Variants in LRRIQ3 observed in about 807,000 individuals in gnomAD.
LRRIQ3 encodes leucine rich repeats and IQ motif containing 3.
Under a neutral mutation model 59.3 loss-of-function variants are expected in LRRIQ3, and 75 were observed. The ratio of observed to expected loss-of-function variants is 1.26; its 90% CI spans 1.05 to 1.53. LRRIQ3 has a LOEUF of 1.53. Ranked by LOEUF, LRRIQ3 falls within the 40% of genes most tolerant of loss-of-function variation. The pLI is 0.00. For missense variants in LRRIQ3, 831 were observed against 710.0 expected (o/e 1.17, Z -1.94); for synonymous variants, 250 against 231.3 (o/e 1.08, Z -0.73).
rs778820647 is a variant in LRRIQ3 at position 74,026,791 on chromosome 1, T to C, written c.*22A>G. 2 of 1,571,726 alleles carry C rather than the reference T, an allele frequency of 1.3e-6. No homozygotes were observed. Among genetic ancestry groups the C allele is most frequent in the South Asian group, 2.4e-5 (2 of 84,604 alleles). ...TAATGACTATAATTTAAGATGATCA[T>C]AGGATGTGATCTGGCATTGATTCAT... On this transcript the variant is annotated 3_prime_UTR_variant, in exon 8 of 8. Transcript: ENST00000354431.
chr1:74,145,350 T>G (rs1421709572), intron 4 of LRRIQ3, among the ~76,000 whole-genome samples: 2 of 152,056 alleles, frequency 1.3e-5, no homozygotes, highest in Admixed American at 1.3e-4. Flanking sequence ...TCTGGTGGAG[T>G]TGGCTCTGCC....
chr1:74,071,666 C>T (rs868195405), intron 6 of LRRIQ3, among the ~76,000 whole-genome samples: 2 of 152,070 alleles, frequency 1.3e-5, no homozygotes, highest in African/African-American at 4.8e-5. Flanking sequence ...ATTTGATAAG[C>T]CAATCATGTT....
intron 7 of LRRIQ3, among the ~76,000 whole-genome samples, chr1:74,040,779 C>G (rs748596881): frequency 6.6e-6 from 1 of 152,220 alleles, no homozygotes; most frequent in African/African-American, 2.4e-5. Context: ...TTCTGGGACA[C>G]AGCTAAAGCA....
chr1:74,053,663 A>G (rs1344793725), intron 6 of LRRIQ3, among the ~76,000 whole-genome samples: 1 of 152,090 alleles, frequency 6.6e-6, no homozygotes, highest in Non-Finnish European at 1.5e-5. Flanking sequence ...CTCCAGCCTG[A>G]GCAACACAGC....
intron 1 of LRRIQ3, 123 bp from the exon 2 acceptor site, chr1:74,183,807 A>C: frequency 1.3e-6 from 1 of 765,596 alleles, no homozygotes; most frequent in South Asian, 2.8e-5. Context: ...AAATTTAAAA[A>C]AACTCATTCT....
chr1:74,056,912 G>A (rs754674474), intron 6 of LRRIQ3, among the ~76,000 whole-genome samples: 1 of 152,088 alleles, frequency 6.6e-6, no homozygotes, highest in East Asian at 1.9e-4. Context: ...ATGATAATGA[G>A]GAAGTTCTCT....
At chr1:74,191,056 ACCC>A (rs1650734245) in intron 1 of LRRIQ3, among the ~76,000 whole-genome samples, 1 of 152,144 alleles carries the variant, frequency 6.6e-6, no homozygotes, top group African/African-American at 2.4e-5. Context: ...TTTATAAATT[ACCC>A]AGTGTTGAGT....
At chr1:74,067,262 T>G (rs1252272634) in intron 6 of LRRIQ3, among the ~76,000 whole-genome samples, 1 of 152,070 alleles carries the variant, frequency 6.6e-6, no homozygotes, top group Non-Finnish European at 1.5e-5. Context: ...CTTATACACT[T>G]AAACATACAA....
At chr1:74,115,977 C>G (rs531083387) in intron 4 of LRRIQ3, among the ~76,000 whole-genome samples, 148 of 152,022 alleles carry the variant, frequency 9.7e-4, no homozygotes, top group African/African-American at 3.5e-3. Flanking sequence ...AAAATCAATA[C>G]AAAGAACTAA....
At chr1:74,188,700 T>C (rs985149764) in intron 1 of LRRIQ3, among the ~76,000 whole-genome samples, 21 of 152,132 alleles carry the variant, frequency 1.4e-4, no homozygotes, top group African/African-American at 4.6e-4. Flanking sequence ...AATTTTTCCA[T>C]AGGACCTGAA....
At chr1:74,140,990 C>T (rs964430483) in intron 4 of LRRIQ3, among the ~76,000 whole-genome samples, 1 of 151,778 alleles carries the variant, frequency 6.6e-6, no homozygotes, top group Non-Finnish European at 1.5e-5. Context: ...CTCACCCAAT[C>T]AGAATTAATT....
intron 3 of LRRIQ3, among the ~76,000 whole-genome samples, chr1:74,164,966 T>C (rs926951208): frequency 3.3e-5 from 5 of 151,568 alleles, no homozygotes; most frequent in Non-Finnish European, 5.9e-5. Context: ...CAAAATTCAT[T>C]TGGACATATT....
At chr1:74,080,892 AT>A (rs1646266911) in intron 5 of LRRIQ3, among the ~76,000 whole-genome samples, 1 of 151,614 alleles carries the variant, frequency 6.6e-6, no homozygotes, top group Non-Finnish European at 1.5e-5. Context: ...TGGGTAAACT[AT>A]AGAGTAGCAC....
In LRRIQ3 at chr1:74,061,087, T is replaced by A. The variant is rs866204320; in HGVS notation, c.997+13574A>T. Reference sequence around the variant, plus strand: ...TCTGATATATGACCTCAGCAAAGTTTCAGGATATGAAATCAATGTACAAAA... The same window carrying A: ...TCTGATATATGACCTCAGCAAAGTTACAGGATATGAAATCAATGTACAAAA... On this transcript the variant is annotated intron_variant, in intron 6 of 7. Coordinates refer to ENST00000354431, the MANE Select transcript of LRRIQ3 (RefSeq NM_001105659.2). Among the ~76,000 whole-genome samples, 4 of 152,196 alleles carry A rather than the reference T, an allele frequency of 2.6e-5. No homozygotes were observed. In the South Asian group the frequency reaches 6.2e-4, roughly 24 times the overall value.
intron 6 of LRRIQ3, among the ~76,000 whole-genome samples, chr1:74,060,599 T>C (rs886209842): frequency 6.6e-6 from 1 of 152,058 alleles, no homozygotes; most frequent in African/African-American, 2.4e-5. Context: ...CCATTGGTTA[T>C]TGGAGAGAGT....
intron 5 of LRRIQ3, among the ~76,000 whole-genome samples, chr1:74,075,057 T>C (rs2100480826): frequency 6.6e-6 from 1 of 151,942 alleles, no homozygotes; most frequent in East Asian, 1.9e-4. Flanking sequence ...GAAAGTGCTG[T>C]GACAAAAGGA....
At chr1:74,175,440 C>T (rs533824599) in intron 3 of LRRIQ3, among the ~76,000 whole-genome samples, 1 of 152,246 alleles carries the variant, frequency 6.6e-6, no homozygotes, top group East Asian at 1.9e-4. Context: ...TCAGGCAACA[C>T]CCTGAAATGC....
At chr1:74,145,277 G>GC (rs1647498814) in intron 4 of LRRIQ3, among the ~76,000 whole-genome samples, 1 of 152,124 alleles carries the variant, frequency 6.6e-6, no homozygotes, top group African/African-American at 2.4e-5. Flanking sequence ...GGGTATTCAT[G>GC]ACAGCTGCAA....
intron 5 of LRRIQ3, among the ~76,000 whole-genome samples, chr1:74,107,615 T>C (rs981936825): frequency 6.7e-6 from 1 of 149,694 alleles, no homozygotes; most frequent in African/African-American, 2.4e-5. Context: ...TAATGAAAGA[T>C]AATAATAAGA....
Sources: gnomAD v4.1 joint callset for allele counts (sites outside exome capture counted in the v4.1 genomes callset) on GRCh38, gnomAD v4.1.1 for gene constraint, MANE v1.5 for transcripts, NCBI Gene and HGNC (gene_info 2026-07-23, HGNC 2026-07-21) for gene names.